Variants in PTPRU observed in about 807,000 individuals in gnomAD.
The protein encoded by PTPRU is receptor-type tyrosine-protein phosphatase U.
PTPRU carries 69 observed loss-of-function variants against 166.3 expected under a neutral mutation model. The ratio of observed to expected loss-of-function variants is 0.41; its 90% CI spans 0.34 to 0.51. The LOEUF is 0.51. Among genes scored for constraint, PTPRU ranks in the 20% least tolerant of loss-of-function variants. The pLI, the probability that PTPRU is intolerant of heterozygous loss-of-function variation, is 0.09. For missense variants in PTPRU, 1,657 were observed against 2,013.7 expected, an observed-to-expected ratio of 0.82 and a Z score of 3.39; for synonymous variants, 793 against 814.0, an observed-to-expected ratio of 0.97 and a Z score of 0.44.
Position 29,311,605 on chromosome 1 carries a change from C to G in PTPRU, c.2956-38C>G. ...GGCGCATGGCAGGCCAAGGGGGCAG[C>G]AAAGAGCCCACTGAGTCCCGTCCTG... is the stretch of plus-strand genomic sequence containing the variant. On this transcript the variant is annotated intron_variant, in intron 20 of 29. Transcript: ENST00000373779. This position sits in a 1 kb window ranked among gnomAD's most constrained non-coding sequence, Gnocchi z 4.1. The G allele has an allele frequency of 6.2e-7, 1 of 1,613,856 alleles. No homozygotes were observed. Among genetic ancestry groups the G allele is most frequent in the Non-Finnish European group, 8.5e-7 (1 of 1,179,728 alleles).
chr1:29,306,706 A>C (rs1687406419), intron 18 of PTPRU, among the ~76,000 whole-genome samples: 1 of 152,194 alleles, frequency 6.6e-6, no homozygotes, highest in Admixed American at 6.5e-5. Context: ...AGCAAGGCAC[A>C]GGTCTGGGAG....
intron 15 of PTPRU, among the ~76,000 whole-genome samples, chr1:29,300,536 A>T (rs187416801): frequency 6.6e-6 from 1 of 152,294 alleles, no homozygotes; most frequent in East Asian, 1.9e-4. Flanking sequence ...ACACTTTGGC[A>T]ACCACCAAAT....
Position 29,236,796 on chromosome 1 carries a change from G to A in PTPRU, c.73+79G>A. On this transcript the variant is annotated intron_variant, in intron 1 of 29. Coordinates refer to ENST00000373779, the MANE Select transcript of PTPRU (RefSeq NM_133178.4). The surrounding 1 kb of genome is among the most constrained non-coding windows in gnomAD (Gnocchi z 4.6). Reference sequence around the variant, plus strand: ...GCGTAGCTCGGAAGAAAGTGTGAGTGTTGAGTGACCGGGCGTTACGAGCGT... The same window carrying A: ...GCGTAGCTCGGAAGAAAGTGTGAGTATTGAGTGACCGGGCGTTACGAGCGT... 7 of 1,241,140 alleles carry A rather than the reference G, an allele frequency of 5.6e-6. No individual in the cohort carries two copies. The highest frequency in any genetic ancestry group is 7.2e-6 in the Non-Finnish European group (7 of 969,172). 76.9% of individuals were successfully genotyped at this position (1,241,140 alleles called of 1,614,324 possible). A position where few individuals can be genotyped will look rare whatever the true frequency, so the allele number is the denominator to read the frequency against.
At chr1:29,264,805 C>A (rs1230413769) in intron 7 of PTPRU, among the ~76,000 whole-genome samples, 1 of 152,122 alleles carries the variant, frequency 6.6e-6, no homozygotes, top group Non-Finnish European at 1.5e-5. Context: ...CAACTTCGTT[C>A]TTTTGTATGT....
intron 7 of PTPRU, among the ~76,000 whole-genome samples, chr1:29,273,589 G>T (rs1245096832): frequency 1.3e-5 from 2 of 151,958 alleles, no homozygotes; most frequent in South Asian, 2.1e-4. Context: ...TTTTTGTAGA[G>T]ATTGTGTCTT....
Position 29,236,593 on chromosome 1 carries a change from G to C in PTPRU, c.-52G>C. 1.7e-6 allele frequency: 2 copies of C among 1,190,656 alleles called. No individual in the cohort carries two copies. Among genetic ancestry groups the C allele is most frequent in the Non-Finnish European group, 1.0e-6 (1 of 959,218 alleles). The allele number at this position is 1,190,656 out of a possible 1,614,324, so 73.8% of individuals were successfully genotyped here. A position where few individuals can be genotyped will look rare whatever the true frequency, so the allele number is the denominator to read the frequency against. On this transcript the variant is annotated 5_prime_UTR_variant, in exon 1 of 30. Coordinates refer to ENST00000373779, the MANE Select transcript of PTPRU (RefSeq NM_133178.4). The surrounding 1 kb of genome is among the most constrained non-coding windows in gnomAD (Gnocchi z 4.6). ...TCGCCTCGGGCTGGGCTCGGGCTCC[G>C]GGGGCGGCGTCCCCCGCGCCGGGCC...
chr1:29,320,478 T>C lies in PTPRU; in HGVS notation c.3688-207T>C. 2.2e-6 allele frequency: 1 copy of C among 451,120 alleles called. No individual in the cohort carries two copies. Among genetic ancestry groups the C allele is most frequent in the Non-Finnish European group, 3.8e-6 (1 of 266,616 alleles). 27.9% of individuals were successfully genotyped at this position (451,120 alleles called of 1,614,324 possible). ...GTTTAGTTCTGGGGGGTCATGGGCT[T>C]GGTCCCCAGAGGCCTGGGCCCACCC... On this transcript the variant is annotated intron_variant, in intron 25 of 29. Transcript: ENST00000373779. The surrounding 1 kb of genome is among the most constrained non-coding windows in gnomAD (Gnocchi z 5.2).
At position 29,323,220 on chromosome 1, in the gene PTPRU, G is replaced by C; in HGVS notation, c.3829-151G>C. On this transcript the variant is annotated intron_variant, in intron 26 of 29. Coordinates refer to ENST00000373779, the MANE Select transcript of PTPRU (RefSeq NM_133178.4). ...CCTGTGGGCAACTGGTGGTGATTGGGGGAGCTGCTGAAGGTGAGTCTGGAG... is the reference window on the plus strand; with the variant it reads ...CCTGTGGGCAACTGGTGGTGATTGGCGGAGCTGCTGAAGGTGAGTCTGGAG... The C allele has an allele frequency of 8.7e-6, 9 of 1,032,566 alleles. No homozygotes were observed. The South Asian group carries it at 9.7e-5, about 11-fold the overall frequency. The allele number at this position is 1,032,566 out of a possible 1,614,324, so 64.0% of individuals were successfully genotyped here.
At position 29,279,639 on chromosome 1, in the gene PTPRU, A is replaced by C. The variant is rs751964101; in HGVS notation, c.1747A>C (p.Ile583Leu). The stretch of plus-strand genomic sequence containing the variant: ...CTTCGGCCAGGCGGCACTCACTGAG[A>C]TAACCACTAACATCTCTGGTGAGCC... ...KGFGQAALTE[I>L]TTNISAPSFD... The change falls in exon 10 of 30, where the codon ATA becomes CTA. Residue 583 changes from isoleucine to leucine, a missense_variant. This residue lies in a region of PTPRU where 1,190 missense variants were observed against 1,477.4 expected (regional missense o/e 0.81). Transcript: ENST00000373779. This position sits in a 1 kb window ranked among gnomAD's most constrained non-coding sequence, Gnocchi z 5.2. 1.9e-6 allele frequency: 3 copies of C among 1,612,220 alleles called. No individual in the cohort carries two copies. Among genetic ancestry groups the C allele is most frequent in the Non-Finnish European group, 2.5e-6 (3 of 1,180,016 alleles).
chr1:29,315,302 C>A lies in PTPRU; in HGVS notation c.3228-70C>A. On this transcript the variant is annotated intron_variant, in intron 22 of 29. Transcript: ENST00000373779. This position sits in a 1 kb window ranked among gnomAD's most constrained non-coding sequence, Gnocchi z 4.5. The stretch of plus-strand genomic sequence containing the variant: ...GTGTAGACATGGCCAGTGCCCTCCT[C>A]TCTTCTTCTCCTTAGTCCCGGGCTT... 6.3e-7 allele frequency: 1 copy of A among 1,592,040 alleles called. No homozygotes were observed. The highest frequency in any genetic ancestry group is 8.6e-7 in the Non-Finnish European group (1 of 1,164,256).
At chr1:29,282,517 C>T (rs1686123834) in intron 11 of PTPRU, among the ~76,000 whole-genome samples, 159 bp from the exon 12 acceptor site, 2 of 152,178 alleles carry the variant, frequency 1.3e-5, no homozygotes, top group Admixed American at 1.3e-4. Flanking sequence ...GAAACCGAGG[C>T]CCAGGGAGGT....
intron 15 of PTPRU, among the ~76,000 whole-genome samples, chr1:29,303,070 T>G (rs74067326): frequency 0.011 from 1,682 of 152,268 alleles, 24 homozygotes; most frequent in African/African-American, 0.038. Flanking sequence ...CACCTAACAA[T>G]GCATTTTTCG....
chr1:29,240,605 G>A (rs1171376223), intron 1 of PTPRU, among the ~76,000 whole-genome samples: 1 of 152,144 alleles, frequency 6.6e-6, no homozygotes, highest in African/African-American at 2.4e-5. Flanking sequence ...TTGAGTTGGG[G>A]AGGTTGAGTC....
Position 29,315,623 on chromosome 1 carries a change from C to G in PTPRU, c.3363+116C>G. 2 of 1,436,574 alleles carry G rather than the reference C, an allele frequency of 1.4e-6. No homozygotes were observed. Among genetic ancestry groups the G allele is most frequent in the African/African-American group, 1.4e-5 (1 of 71,678 alleles). The allele number at this position is 1,436,574 out of a possible 1,614,324, so 89.0% of individuals were successfully genotyped here. On this transcript the variant is annotated intron_variant, in intron 23 of 29. Coordinates refer to ENST00000373779, the MANE Select transcript of PTPRU (RefSeq NM_133178.4). This position sits in a 1 kb window ranked among gnomAD's most constrained non-coding sequence, Gnocchi z 4.5. ...GGGTGTCCTGAGGCTCTTGCCTTCC[C>G]TCAGATCATCCCTGACCTTGGGCCG...
At chr1:29,300,907 GA>G (rs1174263451) in intron 15 of PTPRU, among the ~76,000 whole-genome samples, 7 of 152,144 alleles carry the variant, frequency 4.6e-5, no homozygotes, top group Non-Finnish European at 8.8e-5. Context: ...TGCTGAGTAG[GA>G]ATTCTAGGCC....
intron 19 of PTPRU, 134 bp downstream of exon 19, chr1:29,310,914 G>T: frequency 8.8e-7 from 1 of 1,138,776 alleles, no homozygotes; most frequent in East Asian, 2.3e-5. Context: ...CCATATTCTG[G>T]CTCCCTGCTT....
intron 15 of PTPRU, among the ~76,000 whole-genome samples, chr1:29,302,185 CTTAGTTT>C (rs759218015): frequency 3.7e-5 from 5 of 134,204 alleles, no homozygotes; most frequent in Non-Finnish European, 7.9e-5. Context: ...GTGTGTGTGT[CTTAGTTT>C]TTAACAAAAA....
At chr1:29,281,172 G>A (rs1686068669) in intron 11 of PTPRU, among the ~76,000 whole-genome samples, 1 of 152,070 alleles carries the variant, frequency 6.6e-6, no homozygotes, top group Non-Finnish European at 1.5e-5. Context: ...GGCTGCCTGG[G>A]TGACCATGGC....
At position 29,323,755 on chromosome 1, in the gene PTPRU, A is replaced by C; in HGVS notation, c.4079A>C (p.Glu1360Ala). 6.2e-7 allele frequency: 1 copy of C among 1,614,006 alleles called. No homozygotes were observed. Among genetic ancestry groups the C allele is most frequent in the Non-Finnish European group, 8.5e-7 (1 of 1,179,958 alleles). Residue 1360 changes from glutamate to alanine, a missense_variant, in exon 28 of 30, where the codon GAG becomes GCG. By Grantham distance (107) the Glu-to-Ala change is moderately radical. Around this residue, in one of 3 missense-constraint regions of PTPRU, gnomAD observed 1,190 missense variants for 1,477.4 expected, o/e 0.81. Transcript: ENST00000373779. ...LLAEVDKWQA[E>A]SGDGRTIVHC... Reference sequence around the variant, plus strand: ...GCTGAGGTGGACAAGTGGCAGGCCGAGAGTGGGGATGGGCGCACCATCGTG... The same window carrying C: ...GCTGAGGTGGACAAGTGGCAGGCCGCGAGTGGGGATGGGCGCACCATCGTG...
Sources: allele counts gnomAD v4.1 joint callset (sites outside exome capture counted in the v4.1 genomes callset), GRCh38; gene constraint gnomAD v4.1.1; regional missense constraint gnomAD v4.1.1; non-coding constraint Gnocchi (gnomAD v3.1); transcripts MANE v1.5; gene names NCBI Gene and HGNC (gene_info 2026-07-23, HGNC 2026-07-21).